The following RASEF variants were observed in gnomAD, a reference collection of about 807,000 sequenced individuals.
The protein encoded by RASEF is RAS and EF-hand domain containing.
RASEF carries 68 observed loss-of-function variants against 90.1 expected under a neutral mutation model. That is an observed-to-expected ratio of 0.75 (90% CI 0.62 to 0.92). RASEF has a LOEUF of 0.92. Ranked by LOEUF, RASEF falls within the 40% of genes least tolerant of loss-of-function variation. The pLI, the probability that RASEF is intolerant of heterozygous loss-of-function variation, is 0.00. For synonymous variants in RASEF, 331 were observed against 345.2 expected, an observed-to-expected ratio of 0.96 and a Z score of 0.46; for missense variants, 949 against 937.2, an observed-to-expected ratio of 1.01 and a Z score of -0.16.
At chr9:83,026,945 A>G (rs56751483) in intron 1 of RASEF, among the ~76,000 whole-genome samples, 4,506 of 152,166 alleles carry the variant, frequency 0.03, 207 homozygotes, top group African/African-American at 0.1. Flanking sequence ...CCACTTAGAT[A>G]CCAGTCACAA....
At chr9:83,000,027 ACACACACACATT>A in intron 12 of RASEF, 130 bp downstream of exon 12, 1 of 667,164 alleles carries the variant, frequency 1.5e-6, no homozygotes, top group South Asian at 1.9e-5. Context: ...ACACACACAC[ACACACACACATT>A]TATATATGTG....
chr9:83,125,195 C>T, the RASEF span, among the ~76,000 whole-genome samples: 400 of 152,260 alleles, frequency 2.6e-3, 3 homozygotes, highest in African/African-American at 9.0e-3. Context: ...TTGTGCACTA[C>T]TTCAGCTGGG....
the RASEF span, among the ~76,000 whole-genome samples, chr9:83,195,213 C>T: frequency 6.6e-6 from 1 of 152,188 alleles, no homozygotes; most frequent in Non-Finnish European, 1.5e-5. Context: ...AATTTTCGTG[C>T]CCTCTCTCAT....
At chr9:83,084,620 G>A in the RASEF span, among the ~76,000 whole-genome samples, 2 of 152,110 alleles carry the variant, frequency 1.3e-5, no homozygotes, top group Non-Finnish European at 2.9e-5. Context: ...ATCACAATGT[G>A]GGACAATTTG....
At chr9:83,111,020 C>T in the RASEF span, among the ~76,000 whole-genome samples, 2 of 152,110 alleles carry the variant, frequency 1.3e-5, no homozygotes, top group East Asian at 1.9e-4. Context: ...ATAAAGCCTG[C>T]AGATGCTGGA....
chr9:83,209,394 G>A, the RASEF span, among the ~76,000 whole-genome samples: 12 of 152,366 alleles, frequency 7.9e-5, no homozygotes, highest in South Asian at 2.3e-3. Context: ...GTCTGTATGG[G>A]AGGTAATGGA....
At chr9:83,063,975 G>C (rs759868891), upstream of RASEF, among the ~76,000 whole-genome samples, 3 of 152,174 alleles carry the variant, frequency 2.0e-5, no homozygotes, top group Non-Finnish European at 4.4e-5. Flanking sequence ...CTCATAGCCT[G>C]TGAAGATATA....
rs987766480 is a variant in RASEF, at chr9:83,002,956, T to C, written c.1202+1542A>G. Among the ~76,000 whole-genome samples, 5 of 152,186 alleles carry C rather than the reference T, an allele frequency of 3.3e-5. No individual in the cohort carries two copies. The East Asian group carries it at 9.6e-4, about 29-fold the overall frequency. On this transcript the variant is annotated intron_variant, in intron 9 of 16. Transcript: ENST00000376447. ...TTCTCAAACTCAATTGAACTGCATA[T>C]CCTTTTCAAAGTCAACCATCTTGCC...
At chr9:83,104,592 C>T in the RASEF span, among the ~76,000 whole-genome samples, 2 of 152,080 alleles carry the variant, frequency 1.3e-5, no homozygotes, top group Non-Finnish European at 2.9e-5. Context: ...TGGTATCCGT[C>T]CATCTGAACT....
chr9:83,015,829 C>G lies in RASEF; in HGVS notation c.741G>C (p.Gln247His). 6.2e-7 allele frequency: 1 copy of G among 1,613,900 alleles called. No individual in the cohort carries two copies. Among genetic ancestry groups the G allele is most frequent in the Non-Finnish European group, 8.5e-7 (1 of 1,179,790 alleles). ...CCTTTCTTAGCTTTTTAATGGTCAC[C>G]TGCAGATCTCCTACTTCAGTTTCAT... ...RQYETEVGDL[Q>H]VTIKKLRKLE... Residue 247 changes from glutamine (Q) to histidine (H), a missense_variant, in exon 4 of 17, where the codon CAG becomes CAC. Physicochemically the swap from Gln to His is conservative, Grantham distance 24 (BLOSUM62 0). Around this residue, in one of 3 missense-constraint regions of RASEF, gnomAD observed 656 missense variants for 592.2 expected, o/e 1.11. Coordinates refer to ENST00000376447, the MANE Select transcript of RASEF (RefSeq NM_152573.4).
intron 1 of RASEF, among the ~76,000 whole-genome samples, chr9:83,038,352 G>C (rs544205278): frequency 7.9e-5 from 12 of 151,874 alleles, no homozygotes; most frequent in Non-Finnish European, 1.6e-4. Flanking sequence ...TTCAACACTT[G>C]AGAGTGTCTT....
At chr9:83,175,920 C>A in the RASEF span, among the ~76,000 whole-genome samples, 1 of 152,146 alleles carries the variant, frequency 6.6e-6, no homozygotes, top group Non-Finnish European at 1.5e-5. Context: ...GGTTTATACC[C>A]TAATATATGG....
chr9:83,046,714 T>G (rs1829938375), intron 1 of RASEF, among the ~76,000 whole-genome samples: 1 of 152,128 alleles, frequency 6.6e-6, no homozygotes, highest in Non-Finnish European at 1.5e-5. Flanking sequence ...TAATTCTGTT[T>G]GATAGAAGCA....
chr9:83,209,476 G>A, the RASEF span, among the ~76,000 whole-genome samples: 1 of 152,232 alleles, frequency 6.6e-6, no homozygotes, highest in South Asian at 2.1e-4. Flanking sequence ...AACAGCATGT[G>A]TGAAGGCTTC....
At chr9:83,103,007 C>T in the RASEF span, among the ~76,000 whole-genome samples, 3 of 152,028 alleles carry the variant, frequency 2.0e-5, no homozygotes, top group Non-Finnish European at 4.4e-5. Context: ...GCTTAGTGTA[C>T]ATCTACACGG....
chr9:82,991,592 C>T (rs1828815602), intron 15 of RASEF, among the ~76,000 whole-genome samples: 1 of 152,154 alleles, frequency 6.6e-6, no homozygotes, highest in Non-Finnish European at 1.5e-5. Flanking sequence ...ACAATGGGAC[C>T]TTTACTCGTA....
the RASEF span, among the ~76,000 whole-genome samples, chr9:83,094,833 A>G: frequency 2.0e-5 from 3 of 152,336 alleles, no homozygotes; most frequent in East Asian, 5.8e-4. Flanking sequence ...GGACCTGGCT[A>G]ATTAACATTA....
At chr9:82,986,936 G>C (rs956078480) in intron 16 of RASEF, among the ~76,000 whole-genome samples, 8 of 152,136 alleles carry the variant, frequency 5.3e-5, no homozygotes, top group African/African-American at 1.4e-4. Context: ...CTCTTCCTGG[G>C]ATTGAAAGAT....
the RASEF span, among the ~76,000 whole-genome samples, chr9:83,082,987 G>A: frequency 4.6e-5 from 7 of 152,266 alleles, no homozygotes; most frequent in Non-Finnish European, 1.0e-4. Context: ...AAACATACCT[G>A]TAGTAAACGA....
Sources: allele counts gnomAD v4.1 joint callset (sites outside exome capture counted in the v4.1 genomes callset), GRCh38; gene constraint gnomAD v4.1.1; regional missense constraint gnomAD v4.1.1; transcripts MANE v1.5; gene names NCBI Gene and HGNC (gene_info 2026-07-23, HGNC 2026-07-21).